The following TENM3 variants were observed in gnomAD, a reference collection of about 807,000 sequenced individuals.
The protein encoded by TENM3 is teneurin-3.
TENM3 carries 63 observed loss-of-function variants against 255.1 expected under a neutral mutation model. The ratio of observed to expected loss-of-function variants is 0.25; its 90% CI spans 0.20 to 0.30. TENM3 has a LOEUF of 0.30. TENM3 is among the 10% of genes least tolerant of loss of function. TENM3 has a pLI of 1.00. For missense variants in TENM3, 2,929 were observed against 3,461.1 expected (o/e 0.85, Z 3.86); for synonymous variants, 1,306 against 1,322.3 (o/e 0.99, Z 0.27).
At chr4:181,802,169 A>G in the TENM3 span, among the ~76,000 whole-genome samples, 1 of 152,120 alleles carries the variant, frequency 6.6e-6, no homozygotes, top group Non-Finnish European at 1.5e-5. Context: ...TCATCCCACG[A>G]TTTCACTGTG....
chr4:181,623,698 C>T, the TENM3 span, among the ~76,000 whole-genome samples: 9 of 152,250 alleles, frequency 5.9e-5, no homozygotes, highest in African/African-American at 1.9e-4. Flanking sequence ...TCTTATGCTT[C>T]GTAAACAATC....
At chr4:181,672,044 A>C in the TENM3 span, among the ~76,000 whole-genome samples, 1 of 152,220 alleles carries the variant, frequency 6.6e-6, no homozygotes, top group Non-Finnish European at 1.5e-5. Context: ...GCACCTTAAA[A>C]TCTTTGCCCC....
At chr4:182,130,988 G>T in the TENM3 span, among the ~76,000 whole-genome samples, 2 of 152,048 alleles carry the variant, frequency 1.3e-5, no homozygotes, top group Admixed American at 6.5e-5. Context: ...ACATGAAATT[G>T]TTATTTGATA....
At chr4:181,953,774 G>A in the TENM3 span, among the ~76,000 whole-genome samples, 1 of 152,070 alleles carries the variant, frequency 6.6e-6, no homozygotes, top group Non-Finnish European at 1.5e-5. Flanking sequence ...TTTTTTTAAT[G>A]TTTTATTGAC....
chr4:182,449,219 G>GGCT, intron 3 of TENM3: 1 of 165,494 alleles, frequency 6.0e-6, no homozygotes, highest in Non-Finnish European at 1.2e-5. Context: ...TGGCGGCGGC[G>GGCT]GCGGCGGCGG....
In TENM3 at chr4:182,714,074, T is replaced by C; in HGVS notation, c.2222-13T>C. 1 of 1,610,884 alleles carries C rather than the reference T, an allele frequency of 6.2e-7. No individual in the cohort carries two copies. The highest frequency in any genetic ancestry group is 1.1e-5 in the South Asian group (1 of 90,418). On this transcript the variant is annotated splice_polypyrimidine_tract_variant and intron_variant, in intron 12 of 27. Coordinates refer to ENST00000511685, the MANE Select transcript of TENM3 (RefSeq NM_001080477.4). ...ACTCAAATCACTGGTGTTTTCCTTC[T>C]TTGTCTCGACAGAGGGTTGTCCTGG...
chr4:181,517,612 T>G, the TENM3 span, among the ~76,000 whole-genome samples: 1 of 152,186 alleles, frequency 6.6e-6, no homozygotes, highest in South Asian at 2.1e-4. Flanking sequence ...ATCCCAACAG[T>G]TTTACAATTG....
At chr4:181,602,470 T>A in the TENM3 span, among the ~76,000 whole-genome samples, 3 of 152,308 alleles carry the variant, frequency 2.0e-5, no homozygotes, top group South Asian at 2.1e-4. Flanking sequence ...TTGCCAAGAT[T>A]TTTTTTGAGT....
At chr4:182,286,079 C>T (rs965303121) in intron 1 of TENM3, among the ~76,000 whole-genome samples, 8 of 152,154 alleles carry the variant, frequency 5.3e-5, no homozygotes, top group Non-Finnish European at 1.0e-4. Flanking sequence ...CACAACTATT[C>T]TGGTTGGCAG....
At chr4:181,874,061 G>A in the TENM3 span, among the ~76,000 whole-genome samples, 1 of 152,100 alleles carries the variant, frequency 6.6e-6, no homozygotes, top group African/African-American at 2.4e-5. Context: ...GGGATTACAG[G>A]CGTGAGCCAC....
At chr4:182,452,009 A>G (rs1773501083) in intron 3 of TENM3, among the ~76,000 whole-genome samples, 1 of 152,238 alleles carries the variant, frequency 6.6e-6, no homozygotes, top group Non-Finnish European at 1.5e-5. Flanking sequence ...ACTTTGCCTC[A>G]TTTAAAGAAA....
the TENM3 span, among the ~76,000 whole-genome samples, chr4:182,087,856 A>G: frequency 6.6e-6 from 1 of 152,176 alleles, no homozygotes; most frequent in Non-Finnish European, 1.5e-5. Flanking sequence ...AATGTATTAA[A>G]AAGTTAAAAT....
rs555497353 is a variant in TENM3, at chr4:182,576,833, C to G, written c.512-24091C>G. 1.2e-3 allele frequency among the ~76,000 whole-genome samples: 176 copies of G among 152,308 alleles called. 1 individual carries two copies. Among genetic ancestry groups the G allele is most frequent in the Non-Finnish European group, 2.0e-3 (137 of 68,026 alleles). On this transcript the variant is annotated intron_variant, in intron 3 of 27. Coordinates refer to ENST00000511685, the MANE Select transcript of TENM3 (RefSeq NM_001080477.4). ...AGGGTAGTCGTCATAAAATGTGTCT[C>G]TGACCTTATCATGTATTTGCTTAAA... is the stretch of plus-strand genomic sequence containing the variant.
the TENM3 span, among the ~76,000 whole-genome samples, chr4:181,549,381 T>A: frequency 6.6e-6 from 1 of 152,198 alleles, no homozygotes; most frequent in East Asian, 1.9e-4. Flanking sequence ...ATCATTGTTA[T>A]CCTCGGTAGT....
At chr4:182,516,763 C>T (rs1355357923) in intron 3 of TENM3, among the ~76,000 whole-genome samples, 1 of 151,986 alleles carries the variant, frequency 6.6e-6, no homozygotes, top group African/African-American at 2.4e-5. Context: ...TGATGGCACA[C>T]ACCAGTAGTC....
the TENM3 span, among the ~76,000 whole-genome samples, chr4:181,686,080 T>G: frequency 6.6e-6 from 1 of 152,152 alleles, no homozygotes; most frequent in South Asian, 2.1e-4. Context: ...TGCCCTTTGC[T>G]GGGCTCTGGC....
At chr4:182,258,596 G>C (rs938842427) in intron 1 of TENM3, among the ~76,000 whole-genome samples, 14 of 152,130 alleles carry the variant, frequency 9.2e-5, no homozygotes, top group African/African-American at 2.7e-4. Context: ...AACAGGTATT[G>C]TTATGTAAGA....
At chr4:181,447,663 C>A in the TENM3 span, among the ~76,000 whole-genome samples, 6 of 152,252 alleles carry the variant, frequency 3.9e-5, no homozygotes, top group Non-Finnish European at 7.4e-5. Flanking sequence ...TGGCCACTAT[C>A]CTTTGCCTTG....
At chr4:182,262,094 A>G (rs1316106954) in intron 1 of TENM3, among the ~76,000 whole-genome samples, 1 of 152,198 alleles carries the variant, frequency 6.6e-6, no homozygotes, top group Non-Finnish European at 1.5e-5. Context: ...CCGGATATGG[A>G]TGTGTGTGAA....
Sources: allele counts gnomAD v4.1 joint callset (sites outside exome capture counted in the v4.1 genomes callset), GRCh38; gene constraint gnomAD v4.1.1; transcripts MANE v1.5; gene names NCBI Gene and HGNC (gene_info 2026-07-23, HGNC 2026-07-21).